The following MTHFD1L variants were observed in gnomAD, a reference collection of about 807,000 sequenced individuals.
MTHFD1L encodes the protein monofunctional C1-tetrahydrofolate synthase, mitochondrial.
A neutral mutation model predicts 119.5 loss-of-function variants in MTHFD1L; 81 were observed. The observed-to-expected ratio is 0.68, with a 90% CI of 0.57 to 0.82. The LOEUF (loss-of-function observed/expected upper bound fraction) is 0.82, where lower values mean the gene tolerates loss of function less well. Ranked by LOEUF, MTHFD1L falls within the 40% of genes least tolerant of loss-of-function variation. The pLI is 0.00. For missense variants in MTHFD1L, 1,125 were observed against 1,253.4 expected, an observed-to-expected ratio of 0.90 and a Z score of 1.55; for synonymous variants, 430 against 475.2, an observed-to-expected ratio of 0.90 and a Z score of 1.24.
At chr6:150,991,135 G>A (rs1238314247) in intron 20 of MTHFD1L, among the ~76,000 whole-genome samples, 1 of 152,166 alleles carries the variant, frequency 6.6e-6, no homozygotes, top group African/African-American at 2.4e-5. Context: ...GGGATTACAG[G>A]CATGAGCTGC....
At chr6:151,050,047 G>A (rs1788773077) in intron 26 of MTHFD1L, among the ~76,000 whole-genome samples, 1 of 152,200 alleles carries the variant, frequency 6.6e-6, no homozygotes, top group African/African-American at 2.4e-5. Flanking sequence ...CAGATAGCCA[G>A]ACATGTGGAG....
chr6:151,088,307 A>G (rs1477203449), intron 26 of MTHFD1L: 1 of 152,104 alleles, frequency 6.6e-6, no homozygotes, highest in Non-Finnish European at 1.5e-5. Flanking sequence ...AAGTAGCTGC[A>G]CTTCTTGGAA....
rs200448688 is a variant in MTHFD1L at position 150,957,180 on chromosome 6, CT to C, written c.1803+1112del. ...TGTGTTCCCTATGTTCAGAACAGAA[CT>C]TTGTTACATATAGTCGTAAGTGTTC... On this transcript the variant is annotated intron_variant, in intron 17 of 27. Coordinates refer to ENST00000367321, the MANE Select transcript of MTHFD1L (RefSeq NM_015440.5). Among the ~76,000 whole-genome samples, 1,471 of 152,254 alleles carry C rather than the reference CT, an allele frequency of 9.7e-3. 12 individuals carry two copies. Among genetic ancestry groups the C allele is most frequent in the Middle Eastern group, 0.017 (5 of 294 alleles).
At chr6:151,093,898 G>C (rs187595583) in intron 27 of MTHFD1L, among the ~76,000 whole-genome samples, 332 of 152,286 alleles carry the variant, frequency 2.2e-3, no homozygotes, top group Non-Finnish European at 2.9e-3. Context: ...ACAGTCTCAG[G>C]TTGGGCTTTG....
chr6:150,957,869 A>G (rs1479907503), intron 17 of MTHFD1L, among the ~76,000 whole-genome samples: 1 of 152,206 alleles, frequency 6.6e-6, no homozygotes, highest in Non-Finnish European at 1.5e-5. Context: ...AGTGCCTAGA[A>G]TGAAAAGTAG....
intron 8 of MTHFD1L, among the ~76,000 whole-genome samples, chr6:150,911,540 G>C (rs1390346116): frequency 6.6e-6 from 1 of 152,092 alleles, no homozygotes; most frequent in Non-Finnish European, 1.5e-5. Flanking sequence ...TATGATGCTG[G>C]CATTTGCTTG....
At chr6:151,066,498 G>C (rs1791286198) in intron 26 of MTHFD1L, among the ~76,000 whole-genome samples, 1 of 149,768 alleles carries the variant, frequency 6.7e-6, no homozygotes, top group Admixed American at 6.7e-5. Flanking sequence ...GGGTGCGGTG[G>C]CTCACACCTG....
chr6:150,986,458 G>A (rs1025917519), intron 20 of MTHFD1L, among the ~76,000 whole-genome samples: 4 of 152,176 alleles, frequency 2.6e-5, no homozygotes, highest in Non-Finnish European at 5.9e-5. Flanking sequence ...ACCAGGGACC[G>A]GTGTCTTGGA....
chr6:151,047,851 A>G (rs1461258171), intron 26 of MTHFD1L, among the ~76,000 whole-genome samples: 1 of 152,180 alleles, frequency 6.6e-6, no homozygotes, highest in African/African-American at 2.4e-5. Context: ...TGGATAGTTT[A>G]TAAAGAAAAG....
intron 20 of MTHFD1L, among the ~76,000 whole-genome samples, chr6:150,998,697 C>T (rs1302115926): frequency 1.3e-5 from 2 of 150,150 alleles, no homozygotes. Context: ...TTGTCCAGGG[C>T]CAGGCACAGT....
chr6:150,960,507 G>A, intron 18 of MTHFD1L, 92 bp downstream of exon 18: 1 of 1,451,680 alleles, frequency 6.9e-7, no homozygotes, highest in Non-Finnish European at 9.2e-7. Flanking sequence ...TTATCAGTGA[G>A]TGTAATGAGG....
Position 150,887,948 on chromosome 6 carries a change from C to G in MTHFD1L, c.747C>G (p.Ser249Arg), listed in dbSNP as rs777198342. 14 of 1,607,116 alleles carry G rather than the reference C, an allele frequency of 8.7e-6. No individual in the cohort carries two copies. Among genetic ancestry groups the G allele is most frequent in the Admixed American group, 1.7e-5 (1 of 58,650 alleles). ...AGAGAAAAGGGTCCATGACAATGAG[C>G]ATCCAGTGGAAAACACGCCAGCTTC... The part of the protein sequence containing the change: ...LFQRKGSMTM[S>R]IQWKTRQLQS... The change falls in exon 7 of 28, where the codon AGC becomes AGG. Residue 249 changes from serine (S) to arginine (R), a missense_variant. Ser to Arg is a moderately radical substitution (Grantham distance 110). This residue lies in a region of MTHFD1L where 1,058 missense variants were observed against 1,151.2 expected (regional missense o/e 0.92). Transcript: ENST00000367321.
At chr6:150,951,845 G>A (rs1375372803) in intron 16 of MTHFD1L, among the ~76,000 whole-genome samples, 1 of 150,740 alleles carries the variant, frequency 6.6e-6, no homozygotes, top group African/African-American at 2.4e-5. Flanking sequence ...AAACTTTTTT[G>A]GAGGTTTACT....
intron 8 of MTHFD1L, among the ~76,000 whole-genome samples, chr6:150,909,442 T>C (rs1786489090): frequency 6.6e-6 from 1 of 152,052 alleles, no homozygotes; most frequent in Non-Finnish European, 1.5e-5. Context: ...GGGTTCTCAC[T>C]GTGTTGCCCA....
intron 1 of MTHFD1L, among the ~76,000 whole-genome samples, chr6:150,866,986 C>T (rs1286648774): frequency 6.6e-6 from 1 of 152,188 alleles, no homozygotes; most frequent in Non-Finnish European, 1.5e-5. Context: ...GGACCACCTC[C>T]TCCATTCACA....
chr6:150,982,242 T>A (rs76454025), intron 20 of MTHFD1L, among the ~76,000 whole-genome samples: 11,736 of 151,496 alleles, frequency 0.077, 1,533 homozygotes, highest in African/African-American at 0.27. Flanking sequence ...AAAAAAAAGA[T>A]GTAGACCATA....
intron 8 of MTHFD1L, among the ~76,000 whole-genome samples, chr6:150,917,078 G>A (rs1406503370): frequency 6.6e-6 from 1 of 151,048 alleles, no homozygotes; most frequent in Non-Finnish European, 1.5e-5. Flanking sequence ...TAACTTCTAT[G>A]ATAGAGAATT....
intron 17 of MTHFD1L, among the ~76,000 whole-genome samples, chr6:150,958,596 C>T (rs779832113): frequency 4.6e-5 from 7 of 152,074 alleles, no homozygotes; most frequent in Non-Finnish European, 8.8e-5. Context: ...TTTGCCCTAT[C>T]GTGATTATTA....
chr6:151,096,280 A>G (rs1794889547), intron 27 of MTHFD1L, among the ~76,000 whole-genome samples: 1 of 152,202 alleles, frequency 6.6e-6, no homozygotes, highest in Admixed American at 6.5e-5. Context: ...CTCTAATGGA[A>G]TGGCATTTCT....
Sources: gnomAD v4.1 joint callset for allele counts (sites outside exome capture counted in the v4.1 genomes callset) on GRCh38, gnomAD v4.1.1 for gene constraint, gnomAD v4.1.1 regional missense constraint, MANE v1.5 for transcripts, NCBI Gene and HGNC (gene_info 2026-07-23, HGNC 2026-07-21) for gene names.